CIB1: variants seen among roughly 807,000 people sequenced by gnomAD.
The protein encoded by CIB1 is calcium and integrin-binding protein 1.
A neutral mutation model predicts 25.0 loss-of-function variants in CIB1; 19 were observed. The observed-to-expected ratio is 0.76, with a 90% CI of 0.53 to 1.12. CIB1 has a LOEUF of 1.12. Ranked by LOEUF, CIB1 falls within the 50% of genes most tolerant of loss-of-function variation. The pLI is 0.00. For missense variants in CIB1, 236 were observed against 242.6 expected (o/e 0.97, Z 0.18); for synonymous variants, 104 against 98.5 (o/e 1.06, Z -0.33).
At chr15:90,261,647 G>A in the CIB1 span, among the ~76,000 whole-genome samples, 1 of 152,074 alleles carries the variant, frequency 6.6e-6, no homozygotes, top group South Asian at 2.1e-4. Flanking sequence ...AGGCATGGTG[G>A]TGCATGCCTG....
the CIB1 span, among the ~76,000 whole-genome samples, chr15:90,246,508 A>C: frequency 9.2e-5 from 14 of 152,026 alleles, no homozygotes; most frequent in Non-Finnish European, 1.6e-4. Flanking sequence ...TGCTGAGGCC[A>C]GGTGTAGTGG....
chr15:90,258,664 C>T, the CIB1 span: 1 of 1,231,880 alleles, frequency 8.1e-7, no homozygotes, highest in Non-Finnish European at 1.2e-6. Context: ...TATCTTAGAC[C>T]CTCTAGTTAA....
At chr15:90,258,930 G>A in the CIB1 span, 2 of 1,614,178 alleles carry the variant, frequency 1.2e-6, no homozygotes, top group South Asian at 1.1e-5. Flanking sequence ...GAATCTAGGT[G>A]TGCTAGGTGT....
At chr15:90,233,539 G>C in intron 2 of CIB1, 130 bp downstream of exon 2, 2 of 1,202,652 alleles carry the variant, frequency 1.7e-6, no homozygotes, top group Non-Finnish European at 1.2e-6. Context: ...CCCGGGCTAG[G>C]TCTCCCGGCC....
upstream of CIB1, chr15:90,234,502 TA>T (rs1962590206): frequency 6.6e-6 from 1 of 152,238 alleles, no homozygotes; most frequent in Non-Finnish European, 1.5e-5. Context: ...GAAGTAACCA[TA>T]ACCTTGCTTC....
chr15:90,256,167 G>A, the CIB1 span: 225 of 1,614,054 alleles, frequency 1.4e-4, no homozygotes, highest in Admixed American at 1.8e-4. Context: ...TCCTACGGTC[G>A]TCAGCGAAAA....
the CIB1 span, chr15:90,243,550 T>A: frequency 6.6e-6 from 1 of 152,098 alleles, no homozygotes; most frequent in African/African-American, 2.4e-5. Flanking sequence ...TCTTGCTATG[T>A]TGCCCGGGTT....
the CIB1 span, among the ~76,000 whole-genome samples, chr15:90,240,287 C>T: frequency 6.6e-6 from 1 of 151,948 alleles, no homozygotes; most frequent in South Asian, 2.1e-4. Flanking sequence ...AGGGGAGGGT[C>T]ACCGGAGGTC....
At chr15:90,257,705 C>T in the CIB1 span, 40 of 1,614,082 alleles carry the variant, frequency 2.5e-5, no homozygotes, top group Non-Finnish European at 2.7e-5. Flanking sequence ...TCCGGGATGG[C>T]GCTGTGGGCA....
At chr15:90,241,798 C>T in the CIB1 span, 9 of 1,614,206 alleles carry the variant, frequency 5.6e-6, no homozygotes, top group East Asian at 4.5e-5. Flanking sequence ...GGAGCTCCGC[C>T]GGGAAAGACA....
chr15:90,241,496 C>T, the CIB1 span: 91 of 1,613,682 alleles, frequency 5.6e-5, no homozygotes, highest in Non-Finnish European at 7.5e-5. Context: ...TGCTGCTGAG[C>T]TTACACCCGG....
At chr15:90,247,742 CTT>C in the CIB1 span, among the ~76,000 whole-genome samples, 2 of 144,390 alleles carry the variant, frequency 1.4e-5, no homozygotes. Context: ...TTTTTGTTTG[CTT>C]TTTTTTTTTG....
the CIB1 span, chr15:90,258,175 T>C: frequency 6.2e-7 from 1 of 1,614,268 alleles, no homozygotes; most frequent in Non-Finnish European, 8.5e-7. Flanking sequence ...CGAACCTGTT[T>C]TCCCCAGTAT....
upstream of CIB1, among the ~76,000 whole-genome samples, chr15:90,237,217 C>T (rs922537835): frequency 3.3e-5 from 5 of 151,992 alleles, no homozygotes; most frequent in African/African-American, 1.2e-4. Context: ...CCTTGGCCCC[C>T]CAGAGTGCTG....
chr15:90,265,251 C>A, the CIB1 span: 4 of 1,292,008 alleles, frequency 3.1e-6, no homozygotes, highest in Non-Finnish European at 2.9e-6. Context: ...GGTGATGGGT[C>A]TGAACCCTAG....
At chr15:90,234,243 C>T (rs867632359), upstream of CIB1, 6 of 233,634 alleles carry the variant, frequency 2.6e-5, no homozygotes, top group Middle Eastern at 3.9e-3. Flanking sequence ...TCGCTGTGGC[C>T]CCGGCAGCGG....
chr15:90,262,774 G>T, the CIB1 span: 1 of 1,254,796 alleles, frequency 8.0e-7, no homozygotes, highest in East Asian at 2.6e-5. Flanking sequence ...GCACAAGAGA[G>T]AGAGGAGTTC....
chr15:90,256,238 C>G, the CIB1 span: 3 of 1,614,130 alleles, frequency 1.9e-6, no homozygotes, highest in Middle Eastern at 3.3e-4. Flanking sequence ...CTTCATTACC[C>G]GAAATCCCCG....
At chr15:90,256,834 C>A in the CIB1 span, among the ~76,000 whole-genome samples, 1 of 152,002 alleles carries the variant, frequency 6.6e-6, no homozygotes, top group Non-Finnish European at 1.5e-5. Flanking sequence ...ATCACAGGCA[C>A]CTGCCACCAC....
Sources: allele counts gnomAD v4.1 joint callset (sites outside exome capture counted in the v4.1 genomes callset), GRCh38; gene constraint gnomAD v4.1.1; transcripts MANE v1.5; gene names NCBI Gene and HGNC (gene_info 2026-07-23, HGNC 2026-07-21).